Variants in SERPINB7 observed in about 807,000 individuals in gnomAD.
SERPINB7 encodes serpin B7.
A neutral mutation model predicts 37.4 loss-of-function variants in SERPINB7; 31 were observed. The observed-to-expected ratio is 0.83, with a 90% CI of 0.62 to 1.12. SERPINB7 has a LOEUF of 1.12. Ranked by LOEUF, SERPINB7 falls within the 50% of genes most tolerant of loss-of-function variation. The pLI, the probability that SERPINB7 is intolerant of heterozygous loss-of-function variation, is 0.00. For synonymous variants in SERPINB7, 163 were observed against 166.1 expected (o/e 0.98, Z 0.14); for missense variants, 521 against 455.3 (o/e 1.14, Z -1.31).
At chr18:63,794,110 A>ATTTTTTT (rs34450022) in intron 4 of SERPINB7, among the ~76,000 whole-genome samples, 304 of 105,428 alleles carry the variant, frequency 2.9e-3, no homozygotes, top group Middle Eastern at 0.018. Flanking sequence ...CATCCTGCTA[A>ATTTTTTT]TTTTTTTTTT....
chr18:63,798,457 C>T, intron 5 of SERPINB7, 147 bp from the exon 6 acceptor site: 1 of 606,084 alleles, frequency 1.6e-6, no homozygotes, highest in Non-Finnish European at 2.8e-6. Context: ...GTGCTGGACA[C>T]ATTAATTGCT....
At chr18:63,792,123 T>C (rs545997582) in intron 2 of SERPINB7, among the ~76,000 whole-genome samples, 16 of 152,322 alleles carry the variant, frequency 1.1e-4, no homozygotes, top group South Asian at 4.1e-4. Flanking sequence ...ATAGCATTTA[T>C]GTAAATTGGC....
intron 1 of SERPINB7, among the ~76,000 whole-genome samples, chr18:63,762,787 A>G (rs926729382): frequency 5.3e-5 from 8 of 152,214 alleles, no homozygotes; most frequent in African/African-American, 1.9e-4. Flanking sequence ...ATGTGATGAC[A>G]TCTTTCATGA....
At chr18:63,798,865 C>A (rs2049517839) in intron 6 of SERPINB7, 119 bp downstream of exon 6, 4 of 1,039,950 alleles carry the variant, frequency 3.8e-6, no homozygotes, top group African/African-American at 3.3e-5. Flanking sequence ...TCTTCTTTTG[C>A]ATTACCAATA....
Position 63,782,453 on chromosome 18 carries a change from T to C in SERPINB7, c.81T>C (p.Asn27=). 1 of 1,614,048 alleles carries C rather than the reference T, an allele frequency of 6.2e-7. No individual in the cohort carries two copies. The highest frequency in any genetic ancestry group is 8.5e-7 in the Non-Finnish European group (1 of 1,179,858). The change falls in exon 2 of 8, where the codon AAT becomes AAC. Residue 27 remains asparagine (N), a synonymous_variant. Coordinates refer to ENST00000398019, the MANE Select transcript of SERPINB7 (RefSeq NM_003784.4). ...REMDDNQGNG[N]VFFSSLSLFA... is the part of the protein sequence containing the mutation. ...TGGATGACAATCAAGGAAATGGAAATGTGTTCTTTTCCTCTCTGAGCCTCT... is the reference window on the plus strand; with the variant it reads ...TGGATGACAATCAAGGAAATGGAAACGTGTTCTTTTCCTCTCTGAGCCTCT...
intron 1 of SERPINB7, chr18:63,777,883 C>CACAT (rs1316294097): frequency 5.5e-4 from 48 of 87,582 alleles, no homozygotes; most frequent in African/African-American, 1.6e-3. Flanking sequence ...AAAAAAGACA[C>CACAT]ACACACACAC....
intron 7 of SERPINB7, among the ~76,000 whole-genome samples, chr18:63,802,801 A>G (rs1283390218): frequency 6.6e-6 from 1 of 152,226 alleles, no homozygotes; most frequent in Non-Finnish European, 1.5e-5. Flanking sequence ...CTTTGGAATG[A>G]CACTTTCTGC....
Position 63,791,814 on chromosome 18 carries a change from GT to G in SERPINB7, c.169-577del, listed in dbSNP as rs1267857220. 3.3e-5 allele frequency among the ~76,000 whole-genome samples: 5 copies of G among 152,140 alleles called. No individual in the cohort carries two copies. In the South Asian group the frequency reaches 6.2e-4, roughly 19 times the overall value. On this transcript the variant is annotated intron_variant, in intron 2 of 7. Coordinates refer to ENST00000398019, the MANE Select transcript of SERPINB7 (RefSeq NM_003784.4). ...TTTAGTAGAGACGGGTTTTCACCGTGTTAGCCAGGATGGTCTCGATCTCCTG... is the reference window on the plus strand; with the variant it reads ...TTTAGTAGAGACGGGTTTTCACCGTGTAGCCAGGATGGTCTCGATCTCCTG...
rs767309194 is a variant in SERPINB7, at chr18:63,793,192, T to A, written c.251T>A (p.Phe84Tyr). The change falls in exon 4 of 8, where the codon TTT becomes TAT. Residue 84 changes from phenylalanine to tyrosine, a missense_variant. Phe to Tyr is a conservative substitution (Grantham distance 22). Coordinates refer to ENST00000398019, the MANE Select transcript of SERPINB7 (RefSeq NM_003784.4). ...CTCCAGTCTCAACTGAAAAGAGTTTTTTCTGATATAAATGCATCCCACAAG... is the reference window on the plus strand; with the variant it reads ...CTCCAGTCTCAACTGAAAAGAGTTTATTCTGATATAAATGCATCCCACAAG... The part of the protein sequence containing the change: ...SGLQSQLKRV[F>Y]SDINASHKDY... The A allele has an allele frequency of 1.3e-6, 2 of 1,596,622 alleles. No individual in the cohort carries two copies. The highest frequency in any genetic ancestry group is 2.3e-5 in the South Asian group (2 of 87,424).
chr18:63,759,283 C>T (rs1217436026), intron 1 of SERPINB7, among the ~76,000 whole-genome samples: 1 of 150,738 alleles, frequency 6.6e-6, no homozygotes, highest in Non-Finnish European at 1.5e-5. Context: ...GTCAGTAATG[C>T]CATTACCTGG....
upstream of SERPINB7, among the ~76,000 whole-genome samples, chr18:63,775,092 A>C (rs2049235505): frequency 6.6e-6 from 1 of 152,144 alleles, no homozygotes; most frequent in Non-Finnish European, 1.5e-5. Context: ...TGTCACTGCT[A>C]TCTTGCCTTA....
intron 2 of SERPINB7, among the ~76,000 whole-genome samples, chr18:63,783,885 A>G (rs1205731734): frequency 6.6e-6 from 1 of 152,184 alleles, no homozygotes; most frequent in African/African-American, 2.4e-5. Flanking sequence ...CATTTATGGG[A>G]TAATTTAAGC....
chr18:63,788,708 T>C (rs1316040990), intron 2 of SERPINB7, among the ~76,000 whole-genome samples: 1 of 152,236 alleles, frequency 6.6e-6, no homozygotes, highest in Non-Finnish European at 1.5e-5. Context: ...GAAGTGCCTA[T>C]ACTGTTTTAC....
chr18:63,781,770 A>G (rs1599003122), intron 1 of SERPINB7, among the ~76,000 whole-genome samples: 1 of 152,362 alleles, frequency 6.6e-6, no homozygotes, highest in East Asian at 1.9e-4. Flanking sequence ...CACACTTTGC[A>G]TTCCAAAAAA....
chr18:63,759,696 A>G (rs1319275398), intron 1 of SERPINB7, among the ~76,000 whole-genome samples: 1 of 152,176 alleles, frequency 6.6e-6, no homozygotes, highest in African/African-American at 2.4e-5. Flanking sequence ...GGAAGGACCC[A>G]GAGGGAGGTA....
chr18:63,777,015 G>T (rs1040694073), intron 1 of SERPINB7, among the ~76,000 whole-genome samples: 1 of 151,906 alleles, frequency 6.6e-6, no homozygotes, highest in Non-Finnish European at 1.5e-5. Context: ...ATCATACAAC[G>T]AAAATAAAGG....
At chr18:63,799,447 A>C (rs1330797055) in intron 6 of SERPINB7, among the ~76,000 whole-genome samples, 2 of 152,202 alleles carry the variant, frequency 1.3e-5, no homozygotes, top group African/African-American at 4.8e-5. Context: ...TATTTTAAAA[A>C]GCATTACTAT....
rs1435206745 is a variant in SERPINB7 at position 63,793,160 on chromosome 18, G to T, written c.220-1G>T. On this transcript the variant is annotated splice_acceptor_variant, in intron 3 of 7. Transcript: ENST00000398019. LOFTEE classifies it high-confidence loss of function. Reference sequence around the variant, plus strand: ...ATTTTTATACATCTTTTTAATAACAGTCAGGGCTCCAGTCTCAACTGAAAA... The same window carrying T: ...ATTTTTATACATCTTTTTAATAACATTCAGGGCTCCAGTCTCAACTGAAAA... 4 of 1,500,280 alleles carry T rather than the reference G, an allele frequency of 2.7e-6. No homozygotes were observed. The highest frequency in any genetic ancestry group is 3.6e-6 in the Non-Finnish European group (4 of 1,100,594). 92.9% of individuals were successfully genotyped at this position (1,500,280 alleles called of 1,614,324 possible). A position where few individuals can be genotyped will look rare whatever the true frequency, so the allele number is the denominator to read the frequency against.
At chr18:63,770,260 AG>A (rs976412248) in intron 1 of SERPINB7, among the ~76,000 whole-genome samples, 11 of 151,330 alleles carry the variant, frequency 7.3e-5, no homozygotes, top group Non-Finnish European at 1.0e-4. Flanking sequence ...TTATAGCTGC[AG>A]GGTGTGGTTG....
Sources: allele counts gnomAD v4.1 joint callset (sites outside exome capture counted in the v4.1 genomes callset), GRCh38; gene constraint gnomAD v4.1.1; transcripts MANE v1.5; gene names NCBI Gene and HGNC (gene_info 2026-07-23, HGNC 2026-07-21).